The following GLG1 variants were observed in gnomAD, a reference collection of about 807,000 sequenced individuals.
GLG1 encodes golgi glycoprotein 1, also known as Golgi apparatus protein 1.
A neutral mutation model predicts 160.5 loss-of-function variants in GLG1; 38 were observed. The ratio of observed to expected loss-of-function variants is 0.24; its 90% confidence interval spans 0.18 to 0.31. GLG1 has a LOEUF of 0.31. Among genes scored for constraint, GLG1 ranks in the 10% least tolerant of loss-of-function variants. The pLI, the probability that GLG1 is intolerant of heterozygous loss-of-function variation, is 1.00. For missense variants in GLG1, 1,373 were observed against 1,505.2 expected, an observed-to-expected ratio of 0.91 and a Z score of 1.45; for synonymous variants, 644 against 543.4, an observed-to-expected ratio of 1.19 and a Z score of -2.57.
rs183649091 is a variant in GLG1, at chr16:74,598,666, G to T, written c.438+7991C>A. Among the ~76,000 whole-genome samples the T allele has an allele frequency of 8.5e-3, 1,296 of 152,096 alleles. 7 individuals are homozygous for T. The highest frequency in any genetic ancestry group is 0.014 in the Non-Finnish European group (935 of 68,020). On this transcript the variant is annotated intron_variant, in intron 1 of 25. Coordinates refer to ENST00000422840, the MANE Select transcript of GLG1 (RefSeq NM_001145667.2). ...CCAACACTTTGGGAGACTGAGGTGG[G>T]TGGATTGCCTGAGGTCAGGAGTTTG...
chr16:74,469,170 G>T (rs564102616), intron 16 of GLG1, 107 bp from the exon 17 acceptor site: 7 of 743,158 alleles, frequency 9.4e-6, no homozygotes, highest in African/African-American at 1.7e-5. Flanking sequence ...ATGCCCTTTG[G>T]GGGAATGTCT....
intron 23 of GLG1, 57 bp from the exon 24 acceptor site, chr16:74,458,051 G>A (rs1181845721): frequency 4.5e-6 from 7 of 1,571,746 alleles, no homozygotes; most frequent in African/African-American, 1.4e-5. Flanking sequence ...CATCAGATCT[G>A]TTGTCTGTAA....
intron 23 of GLG1, 28 bp downstream of exon 23, chr16:74,459,654 G>T: frequency 1.1e-5 from 12 of 1,060,060 alleles, no homozygotes; most frequent in African/African-American, 1.6e-5. Flanking sequence ...AAGAAATGAA[G>T]TGAGGAAAAG....
intron 1 of GLG1, among the ~76,000 whole-genome samples, chr16:74,547,420 A>C (rs558176603): frequency 6.7e-4 from 102 of 152,136 alleles, no homozygotes; most frequent in Middle Eastern, 6.8e-3. Context: ...GATCAGACAC[A>C]ACAAAAGTGT....
chr16:74,470,812 C>T (rs577562520), intron 15 of GLG1, among the ~76,000 whole-genome samples: 19 of 151,588 alleles, frequency 1.3e-4, no homozygotes, highest in Non-Finnish European at 1.9e-4. Context: ...CAGGCTGGAG[C>T]GCAGTGGCGA....
At chr16:74,555,931 C>A (rs1385791732) in intron 1 of GLG1, among the ~76,000 whole-genome samples, 3 of 150,822 alleles carry the variant, frequency 2.0e-5, no homozygotes, top group African/African-American at 7.3e-5. Context: ...CCTCACTCTT[C>A]TGGGCTCAAG....
chr16:74,477,866 G>A (rs1024194727), intron 11 of GLG1, among the ~76,000 whole-genome samples: 6 of 151,812 alleles, frequency 4.0e-5, no homozygotes, highest in South Asian at 2.1e-4. Flanking sequence ...CTAGCTACTC[G>A]GGAGGCTGAG....
chr16:74,514,024 C>T (rs562057103), intron 2 of GLG1, among the ~76,000 whole-genome samples: 2 of 151,634 alleles, frequency 1.3e-5, no homozygotes, highest in African/African-American at 2.4e-5. Context: ...TTTGATCAAG[C>T]GGAAGAAATG....
At chr16:74,578,257 A>G (rs1957860178) in intron 1 of GLG1, among the ~76,000 whole-genome samples, 1 of 152,186 alleles carries the variant, frequency 6.6e-6, no homozygotes, top group South Asian at 2.1e-4. Flanking sequence ...TCATTAAAGT[A>G]GATAAAAGCT....
intron 13 of GLG1, among the ~76,000 whole-genome samples, chr16:74,473,211 CTTT>C (rs893994427): frequency 6.7e-6 from 1 of 148,872 alleles, no homozygotes. Context: ...TCTAATCCCC[CTTT>C]TTTTTTTTCT....
chr16:74,456,771 A>C lies in GLG1; in HGVS notation c.3266-16T>G. 1 of 1,433,356 alleles carries C rather than the reference A, an allele frequency of 7.0e-7. No individual in the cohort carries two copies. Among genetic ancestry groups the C allele is most frequent in the Non-Finnish European group, 9.9e-7 (1 of 1,014,958 alleles). The allele number at this position is 1,433,356 out of a possible 1,614,324, so 88.8% of individuals were successfully genotyped here. ...CAGGACATTTCTGTGGGAGGAAATG[A>C]ATAATAAGAAGAACCTGAAACTGTA... On this transcript the variant is annotated splice_polypyrimidine_tract_variant and intron_variant, in intron 24 of 25. Coordinates refer to ENST00000422840, the MANE Select transcript of GLG1 (RefSeq NM_001145667.2).
chr16:74,502,928 C>T (rs1036645400), intron 4 of GLG1, among the ~76,000 whole-genome samples: 2 of 149,970 alleles, frequency 1.3e-5, no homozygotes, highest in African/African-American at 4.9e-5. Flanking sequence ...TGAACTTGGC[C>T]GGGACCGGTG....
intron 2 of GLG1, among the ~76,000 whole-genome samples, chr16:74,516,371 C>G (rs563927175): frequency 6.6e-6 from 1 of 151,880 alleles, no homozygotes; most frequent in Non-Finnish European, 1.5e-5. Context: ...GACCACAGTG[C>G]AATCAAACTA....
chr16:74,529,812 CTTTTTTT>C (rs1178684020), intron 2 of GLG1, among the ~76,000 whole-genome samples: 2 of 115,792 alleles, frequency 1.7e-5, no homozygotes, highest in African/African-American at 6.5e-5. Context: ...TTTGAGAGTT[CTTTTTTT>C]TTTTTTTTTT....
intron 16 of GLG1, chr16:74,469,536 C>G: frequency 5.4e-6 from 1 of 183,496 alleles, no homozygotes; most frequent in South Asian, 1.4e-4. Context: ...TGAAAAAGCT[C>G]ATCAGTTTCC....
At chr16:74,601,572 T>C (rs988808767) in intron 1 of GLG1, among the ~76,000 whole-genome samples, 7 of 152,186 alleles carry the variant, frequency 4.6e-5, no homozygotes, top group Non-Finnish European at 1.0e-4. Flanking sequence ...AATATAAATA[T>C]CAAGGAAATA....
chr16:74,523,811 T>C (rs994094820), intron 2 of GLG1, among the ~76,000 whole-genome samples: 1 of 152,210 alleles, frequency 6.6e-6, no homozygotes, highest in Non-Finnish European at 1.5e-5. Context: ...AGTTCATCTG[T>C]TAAGTACTTG....
intron 15 of GLG1, among the ~76,000 whole-genome samples, chr16:74,470,377 CCCT>C (rs1406366532): frequency 1.4e-5 from 2 of 143,962 alleles, no homozygotes. Context: ...TTCCTTCCCT[CCCT>C]CCTTCCTTCC....
rs183675070 is a variant in GLG1, at chr16:74,553,638, A to G, written c.439-21485T>C. Among the ~76,000 whole-genome samples, 667 of 151,968 alleles carry G rather than the reference A, an allele frequency of 4.4e-3. 5 individuals carry two copies. The highest frequency in any genetic ancestry group is 0.015 in the African/African-American group (628 of 41,472). On this transcript the variant is annotated intron_variant, in intron 1 of 25. Coordinates refer to ENST00000422840, the MANE Select transcript of GLG1 (RefSeq NM_001145667.2). ...CAGGTGCCTGCCACCACGCCCGGCT[A>G]ATTTTTCTGTACTTTTAGTAGAGAC... is the stretch of plus-strand genomic sequence containing the variant.
Sources: allele counts gnomAD v4.1 joint callset (sites outside exome capture counted in the v4.1 genomes callset), GRCh38; gene constraint gnomAD v4.1.1; transcripts MANE v1.5; gene names NCBI Gene and HGNC (gene_info 2026-07-23, HGNC 2026-07-21).